Variants in ABCA13 observed in about 807,000 individuals in gnomAD.
The protein encoded by ABCA13 is ATP binding cassette subfamily A member 13, also known as ATP-binding cassette sub-family A member 13.
A neutral mutation model predicts 478.7 loss-of-function variants in ABCA13; 476 were observed. That is an observed-to-expected ratio of 0.99 (90% CI 0.92 to 1.07). The LOEUF is 1.07. Ranked by LOEUF, ABCA13 falls within the 50% of genes least tolerant of loss-of-function variation. The probability of loss-of-function intolerance (pLI) is 0.00; values close to 1 mark genes in which losing one functional copy is unlikely to be tolerated. For synonymous variants in ABCA13, 2,252 were observed against 2,158.9 expected (o/e 1.04, Z -1.20); for missense variants, 6,060 against 5,910.6 (o/e 1.03, Z -0.83).
chr7:48,171,558 T>G lies in ABCA13; in HGVS notation c.69+6T>G. 6.5e-7 allele frequency: 1 copy of G among 1,536,208 alleles called. No homozygotes were observed. Among genetic ancestry groups the G allele is most frequent in the Non-Finnish European group, 8.7e-7 (1 of 1,146,858 alleles). Reference sequence around the variant, plus strand: ...TCTGCAGACTCAGGAACCCGGTGAGTGCTTGCCTTGGTTTTCCATAGGGTT... The same window carrying G: ...TCTGCAGACTCAGGAACCCGGTGAGGGCTTGCCTTGGTTTTCCATAGGGTT... On this transcript the variant is annotated splice_donor_region_variant and intron_variant, in intron 1 of 61. Transcript: ENST00000435803.
At position 48,310,133 on chromosome 7, in the gene ABCA13, A is replaced by T; in HGVS notation, c.9508A>T (p.Ile3170Phe). ...LSRNLDVRAF[I>F]YKTLMPSEAN... ...TCGAAACTTGGATGTGCGAGCTTTC[A>T]TTTACAAGGTATGGAGAGCATGCTG... Residue 3170 changes from isoleucine (I) to phenylalanine (F), a missense_variant, in exon 24 of 62, where the codon ATT becomes TTT. Ile to Phe is a conservative substitution (Grantham distance 21). Transcript: ENST00000435803. The T allele has an allele frequency of 6.2e-7, 1 of 1,608,380 alleles. No homozygotes were observed. Among genetic ancestry groups the T allele is most frequent in the Non-Finnish European group, 8.5e-7 (1 of 1,176,736 alleles).
At chr7:48,376,069 G>C (rs983743067) in intron 34 of ABCA13, among the ~76,000 whole-genome samples, 3 of 152,102 alleles carry the variant, frequency 2.0e-5, no homozygotes, top group African/African-American at 7.2e-5. Flanking sequence ...AGCACAGAGA[G>C]TTACACAGTT....
intron 35 of ABCA13, among the ~76,000 whole-genome samples, chr7:48,383,404 G>A (rs1031003169): frequency 2.0e-5 from 3 of 152,204 alleles, no homozygotes; most frequent in African/African-American, 4.8e-5. Flanking sequence ...CACACGTATG[G>A]TGATCTTCAC....
chr7:48,569,643 G>A lies in ABCA13; in HGVS notation c.14355-10581G>A, dbSNP rs758197730. ...ACGTTCTAGTGATTCTCCTGCCTCAGCCTTCCAAGTAGCTGGGAATACAGG... is the reference window on the plus strand; with the variant it reads ...ACGTTCTAGTGATTCTCCTGCCTCAACCTTCCAAGTAGCTGGGAATACAGG... On this transcript the variant is annotated intron_variant, in intron 55 of 61. Transcript: ENST00000435803. Among the ~76,000 whole-genome samples the A allele has an allele frequency of 7.9e-5, 12 of 152,224 alleles. No homozygotes were observed. In the South Asian group the frequency reaches 1.7e-3, roughly 21 times the overall value.
At chr7:48,196,881 C>T (rs1187921549) in intron 2 of ABCA13, among the ~76,000 whole-genome samples, 2 of 152,076 alleles carry the variant, frequency 1.3e-5, no homozygotes, top group Non-Finnish European at 2.9e-5. Flanking sequence ...AGAGCTGGCC[C>T]CGTTCTTGTG....
Position 48,410,520 on chromosome 7 carries a change from G to A in ABCA13, c.12071G>A (p.Gly4024Asp). ...LWDILLKYRE[G>D]RTIIFTTHHL... ...TGATGCACCCTGTGCTTGGACCCAG[G>A]TCGTACGATCATCTTCACAACCCAC... The change falls in exon 40 of 62, where the codon GGT becomes GAT. Residue 4024 changes from glycine (G) to aspartate (D), a missense_variant and splice_region_variant. Gly to Asp is a moderately conservative substitution (Grantham distance 94). Coordinates refer to ENST00000435803, the MANE Select transcript of ABCA13 (RefSeq NM_152701.5). 1.9e-6 allele frequency: 3 copies of A among 1,614,036 alleles called. No individual in the cohort carries two copies. The highest frequency in any genetic ancestry group is 1.7e-6 in the Non-Finnish European group (2 of 1,179,878).
chr7:48,459,540 A>G (rs3929106), intron 43 of ABCA13, among the ~76,000 whole-genome samples: 24,207 of 152,156 alleles, frequency 0.16, 2,450 homozygotes, highest in East Asian at 0.23. Context: ...CCCCCTTCCA[A>G]GGATCCTCTG....
chr7:48,562,110 G>T (rs993844239), intron 55 of ABCA13, among the ~76,000 whole-genome samples: 1 of 146,608 alleles, frequency 6.8e-6, no homozygotes, highest in African/African-American at 2.7e-5. Context: ...TGTATGGGGG[G>T]GGAGGTGGAT....
chr7:48,199,702 G>A, intron 3 of ABCA13, among the ~76,000 whole-genome samples: 1 of 152,218 alleles, frequency 6.6e-6, no homozygotes, highest in East Asian at 1.9e-4. Flanking sequence ...GTCTTTTCTT[G>A]AATGTGTGGA....
At chr7:48,357,813 A>G (rs73323780) in intron 31 of ABCA13, among the ~76,000 whole-genome samples, 2,442 of 151,892 alleles carry the variant, frequency 0.016, 106 homozygotes, top group African/African-American at 0.057. Context: ...ATGCTTGGTC[A>G]CTTGGCTGCC....
rs759194815 is a variant in ABCA13, at chr7:48,314,295, G to T, written c.9745G>T (p.Val3249Phe). ...TTCTTTCCAGTTTGTGATGAAGATG[G>T]TTTGCAAGGACCAAGCATCATTCCT... Reference protein sequence around the residue: ...FGSFQFVMKMVCKDQASFLSD... With the variant: ...FGSFQFVMKMFCKDQASFLSD... The change falls in exon 26 of 62, where the codon GTT becomes TTT. Residue 3249 changes from valine to phenylalanine, a missense_variant. This residue lies in a region of ABCA13 where 4,423 missense variants were observed against 4,309.1 expected (regional missense o/e 1.03). Coordinates refer to ENST00000435803, the MANE Select transcript of ABCA13 (RefSeq NM_152701.5). 1.8e-5 allele frequency: 29 copies of T among 1,613,656 alleles called. 1 individual carries two copies. In the South Asian group the frequency reaches 3.2e-4, roughly 18 times the overall value.
At chr7:48,445,357 A>G (rs1295637523) in intron 42 of ABCA13, among the ~76,000 whole-genome samples, 1 of 152,052 alleles carries the variant, frequency 6.6e-6, no homozygotes, top group Non-Finnish European at 1.5e-5. Flanking sequence ...CTCACTCCCA[A>G]ATATTTAATG....
Position 48,244,650 on chromosome 7 carries a change from A to T in ABCA13, c.1337A>T (p.Gln446Leu), listed in dbSNP as rs899970274. The change falls in exon 11 of 62, where the codon CAG (glutamine) becomes CTG (leucine). Residue 446 changes from glutamine to leucine, a missense_variant. By Grantham distance (113) the Gln-to-Leu change is moderately radical. This residue lies in a region of ABCA13 where 4,423 missense variants were observed against 4,309.1 expected (regional missense o/e 1.03). Transcript: ENST00000435803. ...PQWPALKRFL[Q>L]LDGALRNAIA... ...TGGCCGGCACTGAAGAGATTTCTTC[A>T]GCTTGATGGAGCTCTCAGAAATGCG... is the stretch of plus-strand genomic sequence containing the variant. 3.1e-6 allele frequency: 5 copies of T among 1,611,750 alleles called. No individual in the cohort carries two copies. Among genetic ancestry groups the T allele is most frequent in the Non-Finnish European group, 4.2e-6 (5 of 1,178,674 alleles).
rs1216324685 is a variant in ABCA13, at chr7:48,297,232, G to T, written c.9120G>T (p.Met3040Ile). The part of the protein sequence containing the change: ...RLETVQQHLY[M>I]LAKSLEETWS... ...TAGCTTTAATTTTCTGCCATTTTAGGTTGGCCAAAAGCCTCGAGGAAACTT... is the reference window on the plus strand; with the variant it reads ...TAGCTTTAATTTTCTGCCATTTTAGTTTGGCCAAAAGCCTCGAGGAAACTT... The change falls in exon 22 of 62, where the codon ATG becomes ATT. Residue 3040 changes from methionine (M) to isoleucine (I), a missense_variant and splice_region_variant. This residue lies in a region of ABCA13 where 4,423 missense variants were observed against 4,309.1 expected (regional missense o/e 1.03). Coordinates refer to ENST00000435803, the MANE Select transcript of ABCA13 (RefSeq NM_152701.5). 2.5e-6 allele frequency: 4 copies of T among 1,601,110 alleles called. No homozygotes were observed. Among genetic ancestry groups the T allele is most frequent in the African/African-American group, 1.3e-5 (1 of 74,782 alleles).
intron 53 of ABCA13, among the ~76,000 whole-genome samples, chr7:48,523,275 T>G (rs543219623): frequency 1.3e-5 from 2 of 152,342 alleles, no homozygotes; most frequent in East Asian, 3.9e-4. Context: ...ATAAATTATA[T>G]ATTGTCAAAT....
chr7:48,315,198 G>A (rs1376585633), intron 26 of ABCA13, among the ~76,000 whole-genome samples: 1 of 152,112 alleles, frequency 6.6e-6, no homozygotes, highest in Admixed American at 6.5e-5. Context: ...TTAGCATAAG[G>A]GTATAAATGT....
chr7:48,405,653 A>G (rs1297096076), intron 39 of ABCA13, among the ~76,000 whole-genome samples: 1 of 152,238 alleles, frequency 6.6e-6, no homozygotes, highest in Non-Finnish European at 1.5e-5. Flanking sequence ...TAAATACCAC[A>G]AGCCCACTAC....
At chr7:48,404,068 GCTTA>G (rs1272110936) in intron 39 of ABCA13, 189 bp downstream of exon 39, 4 of 664,604 alleles carry the variant, frequency 6.0e-6, no homozygotes, top group African/African-American at 1.8e-5. Context: ...GCTTAGAATT[GCTTA>G]CTTTGTGTTT....
chr7:48,380,462 T>C (rs750120808), intron 35 of ABCA13, among the ~76,000 whole-genome samples: 3 of 152,200 alleles, frequency 2.0e-5, no homozygotes, highest in South Asian at 2.1e-4. Context: ...CTTCCACTAG[T>C]TTACACAGTG....
Sources: allele counts gnomAD v4.1 joint callset (sites outside exome capture counted in the v4.1 genomes callset), GRCh38; gene constraint gnomAD v4.1.1; regional missense constraint gnomAD v4.1.1; transcripts MANE v1.5; gene names NCBI Gene and HGNC (gene_info 2026-07-23, HGNC 2026-07-21).